CFAP92: variants seen among roughly 807,000 people sequenced by gnomAD.
The protein encoded by CFAP92 is uncharacterized protein CFAP92.
A neutral mutation model predicts 106.3 loss-of-function variants in CFAP92; 86 were observed. The ratio of observed to expected loss-of-function variants is 0.81; its 90% CI spans 0.68 to 0.97. The LOEUF is 0.97. CFAP92 is among the 50% of genes least tolerant of loss of function. The pLI, the probability that CFAP92 is intolerant of heterozygous loss-of-function variation, is 0.00. For synonymous variants in CFAP92, 477 were observed against 506.4 expected (o/e 0.94, Z 0.78); for missense variants, 1,204 against 1,283.8 (o/e 0.94, Z 0.95).
chr3:128,943,517 T>C (rs1939868805), intron 10 of CFAP92, among the ~76,000 whole-genome samples: 1 of 152,076 alleles, frequency 6.6e-6, no homozygotes, highest in African/African-American at 2.4e-5. Flanking sequence ...GGTTGAGATA[T>C]GTGTATCAGT....
intron 5 of CFAP92, among the ~76,000 whole-genome samples, chr3:128,977,567 A>ATGG (rs1943237747): frequency 6.6e-6 from 1 of 152,198 alleles, no homozygotes; most frequent in South Asian, 2.1e-4. Flanking sequence ...CACAGTCAGA[A>ATGG]AAGTTTTTCG....
the CFAP92 span, among the ~76,000 whole-genome samples, chr3:129,024,067 C>T: frequency 6.6e-6 from 1 of 152,224 alleles, no homozygotes; most frequent in African/African-American, 2.4e-5. Flanking sequence ...GACAAACCTT[C>T]ATTGGGCCAC....
At position 128,987,030 on chromosome 3, in the gene CFAP92, G is replaced by A. The variant is rs547551284; in HGVS notation, c.667+586C>T. On this transcript the variant is annotated intron_variant, in intron 4 of 15. Transcript: ENST00000645291. ...ACAAAAATTAGCCGGGCGTGGTGGC[G>A]CATGCCTGGAGTCCCAGCTGCTCAG... 1.5e-4 allele frequency among the ~76,000 whole-genome samples: 23 copies of A among 152,276 alleles called. No individual in the cohort carries two copies. The East Asian group carries it at 3.1e-3, about 20-fold the overall frequency.
intron 11 of CFAP92, among the ~76,000 whole-genome samples, chr3:128,933,842 CAAAG>C (rs1938677585): frequency 6.6e-6 from 1 of 152,178 alleles, no homozygotes; most frequent in South Asian, 2.1e-4. Flanking sequence ...GCCACAGAAT[CAAAG>C]AAAAGCCTCT....
Position 128,978,195 on chromosome 3 carries a change from A to G in CFAP92, c.668-10T>C. The G allele has an allele frequency of 1.9e-6, 3 of 1,609,588 alleles. No individual in the cohort carries two copies. Among genetic ancestry groups the G allele is most frequent in the Admixed American group, 1.7e-5 (1 of 59,546 alleles). Reference sequence around the variant, plus strand: ...ACCAAATGTCTCACTTCTAGAATGCAGGAGAAGAAAGGATCATTGACTCAA... The same window carrying G: ...ACCAAATGTCTCACTTCTAGAATGCGGGAGAAGAAAGGATCATTGACTCAA... On this transcript the variant is annotated splice_polypyrimidine_tract_variant and intron_variant, in intron 4 of 15. Transcript: ENST00000645291.
At chr3:128,997,699 A>G (rs1944533289), upstream of CFAP92, among the ~76,000 whole-genome samples, 1 of 152,220 alleles carries the variant, frequency 6.6e-6, no homozygotes, top group African/African-American at 2.4e-5. Flanking sequence ...CAGTTTGCCT[A>G]TCCATTCATC....
Position 128,978,076 on chromosome 3 carries a change from T to G in CFAP92, c.777A>C (p.Glu259Asp). 1 of 1,614,038 alleles carries G rather than the reference T, an allele frequency of 6.2e-7. No homozygotes were observed. The highest frequency in any genetic ancestry group is 8.5e-7 in the Non-Finnish European group (1 of 1,179,908). The change falls in exon 5 of 16, where the codon GAA becomes GAC. Residue 259 changes from glutamate to aspartate, a missense_variant. Transcript: ENST00000645291. ...AAGACTTTGGGTGTTTTTCTGTTTTTTCTTGTTTTCCTGGCGGATGTTCCT... is the reference window on the plus strand; with the variant it reads ...AAGACTTTGGGTGTTTTTCTGTTTTGTCTTGTTTTCCTGGCGGATGTTCCT... ...SNQEHPPGKQ[E>D]KTEKHPKSLQ...
chr3:129,003,873 A>C (rs957636622), upstream of CFAP92: 17 of 1,421,148 alleles, frequency 1.2e-5, no homozygotes, highest in Admixed American at 2.8e-5. Context: ...GAGCTGCGTC[A>C]GGCGCAGGGC....
intron 15 of CFAP92, among the ~76,000 whole-genome samples, chr3:128,912,034 G>A (rs1936381175): frequency 6.6e-6 from 1 of 152,222 alleles, no homozygotes; most frequent in African/African-American, 2.4e-5. Flanking sequence ...CTGAGGTTCT[G>A]GATCAGTGTC....
At chr3:129,001,909 C>A (rs1271030770) in intron 1 of CFAP92, 2 of 1,538,628 alleles carry the variant, frequency 1.3e-6, no homozygotes, top group Non-Finnish European at 1.8e-6. Flanking sequence ...GAGGGGGCCA[C>A]CACGGCCGGG....
chr3:128,945,159 G>A lies in CFAP92; in HGVS notation c.2170C>T (p.His724Tyr). Reference sequence around the variant, plus strand: ...AGGTGTGTCTTCCCGTCCAGCAGGTGGAAGCCAGTGAGCACATCCAGGTGC... The same window carrying A: ...AGGTGTGTCTTCCCGTCCAGCAGGTAGAAGCCAGTGAGCACATCCAGGTGC... The part of the protein sequence containing the change: ...QQHLDVLTGF[H>Y]LLDGKTHLFI... The change falls in exon 10 of 16, where the codon CAC becomes TAC. Residue 724 changes from histidine to tyrosine, a missense_variant. Coordinates refer to ENST00000645291, the MANE Select transcript of CFAP92 (RefSeq NM_001394090.1). 6.5e-7 allele frequency: 1 copy of A among 1,536,188 alleles called. No individual in the cohort carries two copies.
chr3:128,936,534 G>C (rs1033393117), intron 10 of CFAP92, among the ~76,000 whole-genome samples: 1 of 152,040 alleles, frequency 6.6e-6, no homozygotes, highest in Non-Finnish European at 1.5e-5. Context: ...CCCAGGGCAC[G>C]TAGCACTGCT....
intron 9 of CFAP92, among the ~76,000 whole-genome samples, chr3:128,964,574 G>C (rs1942220478): frequency 6.6e-6 from 1 of 152,104 alleles, no homozygotes; most frequent in African/African-American, 2.4e-5. Context: ...AATCTTTGCT[G>C]GCAGGACTAT....
intron 9 of CFAP92, among the ~76,000 whole-genome samples, chr3:128,960,229 T>C (rs1162058245): frequency 2.0e-5 from 3 of 152,252 alleles, no homozygotes; most frequent in South Asian, 4.1e-4. Context: ...TTTGGTGGTC[T>C]CTTCACACGG....
At chr3:129,001,904 G>A (rs1330996652) in intron 1 of CFAP92, 3 of 1,537,952 alleles carry the variant, frequency 2.0e-6, no homozygotes, top group Non-Finnish European at 2.6e-6. Flanking sequence ...GCGCGGAGGG[G>A]GCCACCACGG....
At chr3:128,927,961 A>G (rs1017973432) in intron 12 of CFAP92, among the ~76,000 whole-genome samples, 1 of 151,888 alleles carries the variant, frequency 6.6e-6, no homozygotes, top group Non-Finnish European at 1.5e-5. Flanking sequence ...TATAGATTCA[A>G]TAAAATCCCC....
At chr3:128,983,769 G>T (rs139403115) in intron 4 of CFAP92, among the ~76,000 whole-genome samples, 6 of 152,384 alleles carry the variant, frequency 3.9e-5, no homozygotes, top group African/African-American at 1.2e-4. Flanking sequence ...CCACGTGTCT[G>T]CAGGGACCAG....
intron 4 of CFAP92, among the ~76,000 whole-genome samples, chr3:128,987,139 C>T (rs866315194): frequency 2.6e-5 from 4 of 151,928 alleles, no homozygotes; most frequent in East Asian, 1.9e-4. Flanking sequence ...CCAGCCTGGG[C>T]GACAGAGCGA....
intron 4 of CFAP92, among the ~76,000 whole-genome samples, chr3:128,985,790 T>C (rs1267181742): frequency 1.3e-5 from 2 of 152,202 alleles, no homozygotes; most frequent in African/African-American, 4.8e-5. Context: ...TCCCATTTTC[T>C]CACACTGGAA....
Sources: allele counts gnomAD v4.1 joint callset (sites outside exome capture counted in the v4.1 genomes callset), GRCh38; gene constraint gnomAD v4.1.1; transcripts MANE v1.5; gene names NCBI Gene and HGNC (gene_info 2026-07-23, HGNC 2026-07-21).